The following PVALEF variants were observed in gnomAD, a reference collection of about 807,000 sequenced individuals.
PVALEF encodes parvalbumin like EF-hand containing.
In PVALEF, 2 loss-of-function variants were observed where a neutral mutation model predicts 1.2. That is an observed-to-expected ratio of 1.68 (90% CI 0.69 to 5.28). PVALEF has a LOEUF of 5.28. Among genes scored for constraint, PVALEF ranks in the 30% most tolerant of loss-of-function variants. PVALEF has a pLI of 0.06. For missense variants in PVALEF, 35 were observed against 17.7 expected (o/e 1.97, Z -1.75); for synonymous variants, 16 against 6.5 (o/e 2.47, Z -2.24).
intron 1 of PVALEF, 141 bp downstream of exon 1, chr17:81,165,888 C>T (rs752282668): frequency 4.5e-6 from 7 of 1,553,222 alleles, no homozygotes; most frequent in South Asian, 3.6e-5. Context: ...GGCATCACGT[C>T]CGCAGCGGAG....
intron 6 of PVALEF, among the ~76,000 whole-genome samples, 175 bp from the exon 7 acceptor site, chr17:81,182,790 C>T (rs1033482516): frequency 2.6e-5 from 4 of 152,210 alleles, no homozygotes; most frequent in African/African-American, 9.7e-5. Flanking sequence ...AGCGTGGGGC[C>T]GCCCCCGGCC....
At chr17:81,169,603 G>A (rs111411640) in intron 2 of PVALEF, among the ~76,000 whole-genome samples, 9,094 of 151,434 alleles carry the variant, frequency 0.06, 399 homozygotes, top group Middle Eastern at 0.1. Flanking sequence ...GTGTGTGGGC[G>A]GGGTCGCCCC....
At chr17:81,175,855 A>T (rs2061534451) in intron 2 of PVALEF, among the ~76,000 whole-genome samples, 1 of 152,238 alleles carries the variant, frequency 6.6e-6, no homozygotes, top group Admixed American at 6.5e-5. Context: ...GCTTCATGGC[A>T]TGGGATTTGA....
intron 6 of PVALEF, 150 bp downstream of exon 6, chr17:81,182,231 T>C (rs1408537454): frequency 5.0e-6 from 2 of 396,060 alleles, no homozygotes; most frequent in Non-Finnish European, 8.9e-6. Flanking sequence ...GTCTAGGTGC[T>C]CTTCCCTGGG....
chr17:81,167,432 T>G (rs780714906), intron 2 of PVALEF, among the ~76,000 whole-genome samples: 2 of 152,108 alleles, frequency 1.3e-5, no homozygotes, highest in Admixed American at 1.3e-4. Context: ...CAAGGCCCAG[T>G]TGGGGTTGGG....
rs754060051 is a variant in PVALEF at position 81,179,429 on chromosome 17, C to T, written c.-105+277C>T. ...ACATGTGTGCACGTGTGTGCTGGCA[C>T]GAGCCTCTGTGGGCACGGCTACAAG... is the stretch of plus-strand genomic sequence containing the variant. On this transcript the variant is annotated intron_variant, in intron 3 of 6. Transcript: ENST00000637878. 5.3e-5 allele frequency among the ~76,000 whole-genome samples: 8 copies of T among 152,336 alleles called. No individual in the cohort carries two copies. In the East Asian group the frequency reaches 5.8e-4, roughly 11 times the overall value.
At chr17:81,171,645 C>T (rs1026800229) in intron 2 of PVALEF, among the ~76,000 whole-genome samples, 5 of 152,060 alleles carry the variant, frequency 3.3e-5, no homozygotes, top group African/African-American at 1.2e-4. Flanking sequence ...GCGCCCACCA[C>T]CACACCCGGC....
Position 81,173,266 on chromosome 17 carries a change from G to A in PVALEF, c.-339-5652G>A, listed in dbSNP as rs561435194. Among the ~76,000 whole-genome samples, 21 of 152,282 alleles carry A rather than the reference G, an allele frequency of 1.4e-4. No homozygotes were observed. In the East Asian group the frequency reaches 2.3e-3, roughly 17 times the overall value. On this transcript the variant is annotated intron_variant, in intron 2 of 6. Transcript: ENST00000637878. Reference sequence around the variant, plus strand: ...GGCATGGTTCCCTGGCCCCTGCAGTGACCCATGGACAGACAGCTGCTCAGG... The same window carrying A: ...GGCATGGTTCCCTGGCCCCTGCAGTAACCCATGGACAGACAGCTGCTCAGG...
At chr17:81,170,434 A>T (rs2061517012) in intron 2 of PVALEF, among the ~76,000 whole-genome samples, 1 of 152,046 alleles carries the variant, frequency 6.6e-6, no homozygotes, top group Admixed American at 6.6e-5. Context: ...CCCCTGCTCC[A>T]GTCTGGCCTC....
intron 1 of PVALEF, among the ~76,000 whole-genome samples, 159 bp from the exon 2 acceptor site, chr17:81,166,514 GAAAC>G (rs2061494114): frequency 2.3e-5 from 2 of 87,904 alleles, no homozygotes; most frequent in Non-Finnish European, 2.4e-5. Flanking sequence ...GGGGGGGGGG[GAAAC>G]GGAAGTCGTG....
At chr17:81,171,956 C>T (rs998862155) in intron 2 of PVALEF, among the ~76,000 whole-genome samples, 2 of 152,200 alleles carry the variant, frequency 1.3e-5, no homozygotes, top group African/African-American at 2.4e-5. Context: ...AGCACCTGCC[C>T]GTTCCCTTCT....
intron 1 of PVALEF, among the ~76,000 whole-genome samples, chr17:81,166,255 C>G (rs1479873757): frequency 2.1e-5 from 1 of 46,892 alleles, no homozygotes; most frequent in Non-Finnish European, 4.6e-5. Flanking sequence ...CGGAGCGGCG[C>G]GGGGGAGGGG....
At chr17:81,167,786 G>A (rs1000075806) in intron 2 of PVALEF, among the ~76,000 whole-genome samples, 5 of 152,222 alleles carry the variant, frequency 3.3e-5, no homozygotes, top group African/African-American at 1.2e-4. Flanking sequence ...GGTTCTAAGG[G>A]GCGCTGCCGC....
chr17:81,174,500 C>T (rs933505467), intron 2 of PVALEF, among the ~76,000 whole-genome samples: 5 of 151,738 alleles, frequency 3.3e-5, no homozygotes, highest in Admixed American at 1.3e-4. Flanking sequence ...TGTGATGGCA[C>T]GCGCCTGTAG....
intron 2 of PVALEF, among the ~76,000 whole-genome samples, chr17:81,172,455 T>C (rs2146445256): frequency 6.6e-6 from 1 of 152,220 alleles, no homozygotes; most frequent in Middle Eastern, 3.4e-3. Flanking sequence ...CTGAAGCTTC[T>C]CCTGGTCCAG....
chr17:81,166,561 G>A (rs2061494730), intron 1 of PVALEF, 116 bp from the exon 2 acceptor site: 1 of 334,910 alleles, frequency 3.0e-6, no homozygotes, highest in South Asian at 2.0e-5. Flanking sequence ...CGGAGGGAAC[G>A]CCGGGGTGGG....
Position 81,179,143 on chromosome 17 carries a change from C to A in PVALEF, c.-114C>A. On this transcript the variant is annotated 5_prime_UTR_variant, in exon 3 of 7. Transcript: ENST00000637878. ...CACCTTCCAGAACTCTCGAAAGAAG[C>A]CAGGCAGAGGTAAGCCCTGCCAAGG... The A allele has an allele frequency of 2.7e-6, 1 of 376,156 alleles. No individual in the cohort carries two copies. Among genetic ancestry groups the A allele is most frequent in the South Asian group, 1.9e-5 (1 of 53,520 alleles). The allele number at this position is 376,156 out of a possible 1,614,324, so 23.3% of individuals were successfully genotyped here. A position where few individuals can be genotyped will look rare whatever the true frequency, so the allele number is the denominator to read the frequency against.
rs1216150895 is a variant in PVALEF at position 81,179,123 on chromosome 17, T to C, written c.-134T>C. The C allele has an allele frequency of 2.5e-6, 1 of 397,122 alleles. No homozygotes were observed. Among genetic ancestry groups the C allele is most frequent in the Non-Finnish European group, 5.1e-6 (1 of 194,600 alleles). The allele number at this position is 397,122 out of a possible 1,614,324, so 24.6% of individuals were successfully genotyped here. On this transcript the variant is annotated 5_prime_UTR_variant, in exon 3 of 7. Transcript: ENST00000637878. ...CTCCACACCCCAGCCTGACCCACCTTCCAGAACTCTCGAAAGAAGCCAGGC... is the reference window on the plus strand; with the variant it reads ...CTCCACACCCCAGCCTGACCCACCTCCCAGAACTCTCGAAAGAAGCCAGGC...
chr17:81,167,614 T>C (rs2061502819), intron 2 of PVALEF, among the ~76,000 whole-genome samples: 1 of 152,188 alleles, frequency 6.6e-6, no homozygotes, highest in African/African-American at 2.4e-5. Flanking sequence ...GTCCCTCATG[T>C]AGGAAGTTTC....
Sources: gnomAD v4.1 joint callset for allele counts (sites outside exome capture counted in the v4.1 genomes callset) on GRCh38, gnomAD v4.1.1 for gene constraint, MANE v1.5 for transcripts, NCBI Gene and HGNC (gene_info 2026-07-23, HGNC 2026-07-21) for gene names.